The following LIG1 variants were observed in gnomAD, a reference collection of about 807,000 sequenced individuals.
The protein encoded by LIG1 is DNA ligase 1.
Under a neutral mutation model 115.7 loss-of-function variants are expected in LIG1, and 70 were observed. The observed-to-expected ratio is 0.60, with a 90% CI of 0.50 to 0.74. The LOEUF (loss-of-function observed/expected upper bound fraction) is 0.74. Ranked by LOEUF, LIG1 falls within the 30% of genes least tolerant of loss-of-function variation. The probability of loss-of-function intolerance (pLI) is 0.00; values close to 1 mark genes in which losing one functional copy is unlikely to be tolerated. For missense variants in LIG1, 1,115 were observed against 1,225.6 expected (o/e 0.91, Z 1.35); for synonymous variants, 487 against 495.3 (o/e 0.98, Z 0.22).
chr19:48,157,745 C>A (rs1304985725), intron 4 of LIG1, among the ~76,000 whole-genome samples: 1 of 152,152 alleles, frequency 6.6e-6, no homozygotes, highest in Non-Finnish European at 1.5e-5. Flanking sequence ...TGGGGCTTCA[C>A]CACGTTGGCC....
chr19:48,169,179 A>G (rs867514314), intron 1 of LIG1, among the ~76,000 whole-genome samples: 2 of 152,222 alleles, frequency 1.3e-5, no homozygotes, highest in African/African-American at 4.8e-5. Flanking sequence ...TGGTGAACAC[A>G]TTAGCGGTTG....
intron 11 of LIG1, among the ~76,000 whole-genome samples, chr19:48,142,354 A>G (rs888944857): frequency 8.1e-5 from 12 of 148,256 alleles, no homozygotes; most frequent in Middle Eastern, 6.9e-3. Flanking sequence ...GAGGCAGGAG[A>G]ATGGTGTGAA....
chr19:48,119,529 C>CTTTT lies in LIG1; in HGVS notation c.2386-343_2386-340dup, dbSNP rs71334267. Among the ~76,000 whole-genome samples the CTTTT allele has an allele frequency of 2.8e-4, 19 of 68,008 alleles. 2 individuals are homozygous for CTTTT. The highest frequency in any genetic ancestry group is 1.0e-3 in the African/African-American group (15 of 14,818). The allele number at this position is 68,008 out of a possible 152,430, so 44.6% of individuals were successfully genotyped here. On this transcript the variant is annotated intron_variant, in intron 24 of 27. Coordinates refer to ENST00000263274, the MANE Select transcript of LIG1 (RefSeq NM_000234.3). ...GTAACTGGCTGTCCTCACTTCCAGT[C>CTTTT]TTTTTTTTTTTTTTTTTTTTTTTTT...
chr19:48,128,790 T>C (rs1395667366), intron 19 of LIG1, among the ~76,000 whole-genome samples: 1 of 152,220 alleles, frequency 6.6e-6, no homozygotes, highest in Non-Finnish European at 1.5e-5. Flanking sequence ...TGAGTCAGAG[T>C]CTAGCTCTGT....
intron 11 of LIG1, among the ~76,000 whole-genome samples, chr19:48,140,763 GA>G (rs2034690235): frequency 6.6e-6 from 1 of 152,030 alleles, no homozygotes; most frequent in African/African-American, 2.4e-5. Flanking sequence ...AAGACAGCAA[GA>G]AAACCTCCCT....
At position 48,115,573 on chromosome 19, in the gene LIG1, TA is replaced by T; in HGVS notation, c.*75del. On this transcript the variant is annotated 3_prime_UTR_variant, in exon 28 of 28. Coordinates refer to ENST00000263274, the MANE Select transcript of LIG1 (RefSeq NM_000234.3). ...CCACAGCCTGCCACAGCAGATTTGC[TA>T]AAAAGCAAAGGCAATAATAACCCTG... The T allele has an allele frequency of 8.7e-7, 1 of 1,147,258 alleles. No homozygotes were observed. The highest frequency in any genetic ancestry group is 1.3e-6 in the Non-Finnish European group (1 of 764,778). The allele number at this position is 1,147,258 out of a possible 1,614,324, so 71.1% of individuals were successfully genotyped here.
chr19:48,143,961 G>A lies in LIG1; in HGVS notation c.779C>T (p.Pro260Leu), dbSNP rs1423000338. The A allele has an allele frequency of 2.5e-6, 4 of 1,612,522 alleles. No individual in the cohort carries two copies. The Admixed American group carries it at 5.0e-5, about 20-fold the overall frequency. The change falls in exon 10 of 28, where the codon CCC becomes CTC. Residue 260 changes from proline (P) to leucine (L), a missense_variant and splice_region_variant. Transcript: ENST00000263274. ...APGKEGAAEG[P>L]LDPSGYNPAK... Reference sequence around the variant, plus strand: ...AGGATTGTAACCAGATGGATCCAGGGGTCTACGGAGGCAAAACGGAGATTG... The same window carrying A: ...AGGATTGTAACCAGATGGATCCAGGAGTCTACGGAGGCAAAACGGAGATTG...
chr19:48,134,580 C>A (rs2034259752), intron 16 of LIG1, among the ~76,000 whole-genome samples: 2 of 152,260 alleles, frequency 1.3e-5, no homozygotes, highest in South Asian at 4.1e-4. Flanking sequence ...ATCACTTGAA[C>A]CCTGGAGGCG....
chr19:48,146,205 T>C (rs1341119943), intron 9 of LIG1: 3 of 152,266 alleles, frequency 2.0e-5, no homozygotes, highest in Admixed American at 6.5e-5. Context: ...CTAGGAATGG[T>C]GCAAGAAAAG....
intron 23 of LIG1, among the ~76,000 whole-genome samples, chr19:48,121,882 G>A (rs1008223047): frequency 1.3e-5 from 2 of 152,202 alleles, no homozygotes; most frequent in South Asian, 2.1e-4. Flanking sequence ...CCTTGCCGCC[G>A]TCTTTCCCTC....
intron 21 of LIG1, among the ~76,000 whole-genome samples, chr19:48,125,069 C>T (rs1162918331): frequency 2.0e-5 from 3 of 151,102 alleles, no homozygotes; most frequent in African/African-American, 4.9e-5. Context: ...AAATGATATA[C>T]TTGACTACAT....
At chr19:48,138,356 A>G (rs2034529860) in intron 12 of LIG1, among the ~76,000 whole-genome samples, 1 of 152,220 alleles carries the variant, frequency 6.6e-6, no homozygotes, top group African/African-American at 2.4e-5. Flanking sequence ...ACCTATCGAG[A>G]TAACGCCCTA....
chr19:48,170,052 G>A (rs1030645478), intron 1 of LIG1, 189 bp downstream of exon 1: 6 of 363,180 alleles, frequency 1.7e-5, no homozygotes, highest in African/African-American at 1.1e-4. Context: ...CTCCCTCTGG[G>A]AGACACCTCT....
chr19:48,156,669 G>A (rs1489382262), intron 5 of LIG1, among the ~76,000 whole-genome samples: 2 of 151,872 alleles, frequency 1.3e-5, no homozygotes, highest in African/African-American at 4.8e-5. Flanking sequence ...CTGGCTGGGT[G>A]CGGTGGCTCA....
intron 2 of LIG1, among the ~76,000 whole-genome samples, chr19:48,164,348 G>A (rs577444040): frequency 1.3e-5 from 2 of 152,302 alleles, no homozygotes; most frequent in East Asian, 3.9e-4. Flanking sequence ...CCAGGTTTCT[G>A]GGATGGATGC....
chr19:48,130,686 G>A (rs1157911812), intron 19 of LIG1, among the ~76,000 whole-genome samples: 2 of 152,214 alleles, frequency 1.3e-5, no homozygotes, highest in Non-Finnish European at 2.9e-5. Context: ...GGTGGGAGGT[G>A]TCCAGGAAAG....
chr19:48,141,214 G>A (rs1358147147), intron 11 of LIG1, among the ~76,000 whole-genome samples: 3 of 152,184 alleles, frequency 2.0e-5, no homozygotes, highest in Non-Finnish European at 4.4e-5. Context: ...ATCTCGGCTC[G>A]CTGCAACCTC....
At chr19:48,134,181 A>G in intron 16 of LIG1, 115 bp from the exon 17 acceptor site, 10 of 857,650 alleles carry the variant, frequency 1.2e-5, no homozygotes, top group Non-Finnish European at 1.9e-5. Context: ...CTGCCCACTG[A>G]GTCACCACCT....
chr19:48,161,150 T>C (rs931753153), intron 4 of LIG1: 5 of 615,026 alleles, frequency 8.1e-6, no homozygotes, highest in Non-Finnish European at 1.5e-5. Flanking sequence ...CATGTTACAG[T>C]TGAGGCATCC....
Sources: gnomAD v4.1 joint callset for allele counts (sites outside exome capture counted in the v4.1 genomes callset) on GRCh38, gnomAD v4.1.1 for gene constraint, MANE v1.5 for transcripts, NCBI Gene and HGNC (gene_info 2026-07-23, HGNC 2026-07-21) for gene names.